Variants in SLC17A1 observed in about 807,000 individuals in gnomAD.
SLC17A1 encodes sodium-dependent phosphate transport protein 1.
In SLC17A1, 51 loss-of-function variants were observed where a neutral mutation model predicts 53.5. The observed-to-expected ratio is 0.95, with a 90% CI of 0.76 to 1.20. SLC17A1 has a LOEUF of 1.20. Among genes scored for constraint, SLC17A1 ranks in the 50% most tolerant of loss-of-function variants. The probability of loss-of-function intolerance (pLI) is 0.00; values close to 1 mark genes in which losing one functional copy is unlikely to be tolerated. For missense variants in SLC17A1, 538 were observed against 568.2 expected (o/e 0.95, Z 0.54); for synonymous variants, 179 against 198.8 (o/e 0.90, Z 0.84).
the SLC17A1 span, chr6:25,770,246 T>C: frequency 6.2e-7 from 1 of 1,614,034 alleles, no homozygotes; most frequent in African/African-American, 1.3e-5. Flanking sequence ...CACTGGCAGC[T>C]AATGCGGGAG....
At chr6:25,755,460 T>C in the SLC17A1 span, among the ~76,000 whole-genome samples, 1 of 152,180 alleles carries the variant, frequency 6.6e-6, no homozygotes, top group Non-Finnish European at 1.5e-5. Context: ...GAGCTGTTAA[T>C]AGCTCTGCCC....
the SLC17A1 span, among the ~76,000 whole-genome samples, chr6:25,733,438 G>A: frequency 6.6e-6 from 1 of 152,062 alleles, no homozygotes; most frequent in Non-Finnish European, 1.5e-5. Flanking sequence ...CTCCTAGGGC[G>A]CATGTTTTCT....
At chr6:25,751,884 C>T in the SLC17A1 span, among the ~76,000 whole-genome samples, 3 of 152,136 alleles carry the variant, frequency 2.0e-5, no homozygotes, top group Admixed American at 2.0e-4. Context: ...CACAGGCCTA[C>T]TTCTTTTTAT....
chr6:25,784,433 T>C (rs1472577374), intron 12 of SLC17A1, among the ~76,000 whole-genome samples: 1 of 151,902 alleles, frequency 6.6e-6, no homozygotes, highest in Admixed American at 6.6e-5. Context: ...TGGCAGAAGG[T>C]GAAAGGGGAG....
At chr6:25,810,052 G>T (rs1025989275) in intron 10 of SLC17A1, among the ~76,000 whole-genome samples, 5 of 152,024 alleles carry the variant, frequency 3.3e-5, no homozygotes, top group Admixed American at 2.6e-4. Flanking sequence ...TGGGACAACT[G>T]GGTATCCACA....
At chr6:25,737,076 C>G in the SLC17A1 span, among the ~76,000 whole-genome samples, 5 of 152,110 alleles carry the variant, frequency 3.3e-5, no homozygotes, top group African/African-American at 1.2e-4. Context: ...ATTAAACCAC[C>G]TTTGTAAAAC....
the SLC17A1 span, chr6:25,726,380 C>T: frequency 2.5e-6 from 4 of 1,614,060 alleles, no homozygotes; most frequent in South Asian, 3.3e-5. Flanking sequence ...GCCAAATACA[C>T]TGGTGCGCCT....
In SLC17A1 at chr6:25,819,093, G is replaced by A. The variant is rs752182001; in HGVS notation, c.591C>T (p.Gly197=). The change falls in exon 6 of 13, where the codon GGC becomes GGT. Residue 197 remains glycine, a synonymous_variant. Coordinates refer to ENST00000244527, the MANE Select transcript of SLC17A1 (RefSeq NM_005074.5). ...CAAAAATATAGAAGACCATGGGCCA[G>A]CCCAGAGATTCACAGATAACTCCAG... is the stretch of plus-strand genomic sequence containing the variant. ...LVTGVICESL[G]WPMVFYIFGA... The A allele has an allele frequency of 1.2e-6, 2 of 1,609,498 alleles. No homozygotes were observed. Among genetic ancestry groups the A allele is most frequent in the Non-Finnish European group, 1.7e-6 (2 of 1,178,500 alleles).
chr6:25,797,406 A>G (rs1763624821), intron 12 of SLC17A1, among the ~76,000 whole-genome samples: 1 of 152,212 alleles, frequency 6.6e-6, no homozygotes, highest in Non-Finnish European at 1.5e-5. Flanking sequence ...TATTGCCAGG[A>G]TTCCCAAAGT....
rs201929000 is a variant in SLC17A1, at chr6:25,812,878, A to G, written c.850T>C (p.Tyr284His). The G allele has an allele frequency of 1.2e-6, 2 of 1,612,992 alleles. No homozygotes were observed. The highest frequency in any genetic ancestry group is 1.7e-5 in the Admixed American group (1 of 60,014). The stretch of plus-strand genomic sequence containing the variant: ...ATGGAGTTGATAAACATTGGAGTGT[A>G]TAGTGTCATGATGTTATGTGACCAG... ...FFWSHNIMTLYTPMFINSMLH... is the reference protein window; with the variant it reads ...FFWSHNIMTLHTPMFINSMLH... The change falls in exon 8 of 13, where the codon TAC becomes CAC. Residue 284 changes from tyrosine to histidine, a missense_variant. Physicochemically the swap from Tyr to His is moderately conservative, Grantham distance 83. Transcript: ENST00000244527.
At chr6:25,751,375 G>A in the SLC17A1 span, among the ~76,000 whole-genome samples, 1 of 152,186 alleles carries the variant, frequency 6.6e-6, no homozygotes, top group Non-Finnish European at 1.5e-5. Flanking sequence ...TTATATGACT[G>A]TTCAAAAATT....
rs1436406413 is a variant in SLC17A1, at chr6:25,817,635, A to G, written c.616+1433T>C. ...CATAGAAATACAACATAAATATTAGATGTCATTCAACCCTTGATCAACAAT... is the reference window on the plus strand; with the variant it reads ...CATAGAAATACAACATAAATATTAGGTGTCATTCAACCCTTGATCAACAAT... On this transcript the variant is annotated intron_variant, in intron 6 of 12. Transcript: ENST00000244527. 2.0e-5 allele frequency among the ~76,000 whole-genome samples: 3 copies of G among 152,202 alleles called. No individual in the cohort carries two copies. The East Asian group carries it at 5.8e-4, about 29-fold the overall frequency.
intron 2 of SLC17A1, among the ~76,000 whole-genome samples, chr6:25,829,835 T>C (rs558471264): frequency 2.3e-4 from 35 of 152,112 alleles, no homozygotes; most frequent in Admixed American, 1.8e-3. Flanking sequence ...TAAAAGGAAT[T>C]AAATGCATAA....
the SLC17A1 span, chr6:25,754,759 ATCC>A: frequency 1.3e-5 from 2 of 152,192 alleles, no homozygotes; most frequent in African/African-American, 4.8e-5. Flanking sequence ...AGGAATGAGG[ATCC>A]TGCACTCTTC....
At chr6:25,738,078 A>C in the SLC17A1 span, among the ~76,000 whole-genome samples, 371 of 152,368 alleles carry the variant, frequency 2.4e-3, 2 homozygotes, top group Middle Eastern at 0.01. Flanking sequence ...TATGTGAAAA[A>C]TCACAATAAA....
intron 12 of SLC17A1, among the ~76,000 whole-genome samples, chr6:25,788,694 C>T (rs528108539): frequency 6.6e-6 from 1 of 151,530 alleles, no homozygotes; most frequent in African/African-American, 2.4e-5. Context: ...TGGCCTGTGT[C>T]AGGGAATCAG....
intron 12 of SLC17A1, among the ~76,000 whole-genome samples, chr6:25,796,564 C>T (rs1763606880): frequency 6.6e-6 from 1 of 152,114 alleles, no homozygotes; most frequent in Non-Finnish European, 1.5e-5. Flanking sequence ...TATGATTGTG[C>T]TACTGTACTC....
rs1295047729 is a variant in SLC17A1, at chr6:25,812,967, G to A, written c.761C>T (p.Pro254Leu). Residue 254 changes from proline (P) to leucine (L), a missense_variant, in exon 8 of 13, where the codon CCT becomes CTT. Transcript: ENST00000244527. ...AAGCGACTTAAGTATAGCCTTGATAGGCAGAGATTGTCTACTTGAACTGAC... is the reference window on the plus strand; with the variant it reads ...AAGCGACTTAAGTATAGCCTTGATAAGCAGAGATTGTCTACTTGAACTGAC... ...QQVSSSRQSLPIKAILKSLPV... is the reference protein window; with the variant it reads ...QQVSSSRQSLLIKAILKSLPV... The A allele has an allele frequency of 1.9e-6, 3 of 1,613,992 alleles. No homozygotes were observed. In the East Asian group the frequency reaches 6.7e-5, roughly 36 times the overall value.
the SLC17A1 span, chr6:25,727,322 A>AT: frequency 1.3e-6 from 2 of 1,547,128 alleles, no homozygotes; most frequent in Non-Finnish European, 1.7e-6. Flanking sequence ...TTTCTAACCC[A>AT]AAGGCTCTTT....
Sources: allele counts gnomAD v4.1 joint callset (sites outside exome capture counted in the v4.1 genomes callset), GRCh38; gene constraint gnomAD v4.1.1; transcripts MANE v1.5; gene names NCBI Gene and HGNC (gene_info 2026-07-23, HGNC 2026-07-21).